TBC1D5: variants seen among roughly 807,000 people sequenced by gnomAD.
The protein encoded by TBC1D5 is TBC1 domain family, member 5.
A neutral mutation model predicts 100.3 loss-of-function variants in TBC1D5; 75 were observed. The ratio of observed to expected loss-of-function variants is 0.75; its 90% CI spans 0.62 to 0.91. The LOEUF is 0.91. Among genes scored for constraint, TBC1D5 ranks in the 40% least tolerant of loss-of-function variants. TBC1D5 has a pLI of 0.00. For synonymous variants in TBC1D5, 323 were observed against 325.6 expected (o/e 0.99, Z 0.09); for missense variants, 910 against 942.4 (o/e 0.97, Z 0.45).
At chr3:17,429,250 A>G (rs949502672) in intron 3 of TBC1D5, among the ~76,000 whole-genome samples, 1 of 151,954 alleles carries the variant, frequency 6.6e-6, no homozygotes, top group African/African-American at 2.4e-5. Context: ...GAATAAAAGT[A>G]AATGTACTAA....
In TBC1D5 at chr3:17,233,762, A is replaced by G. The variant is rs2075630067; in HGVS notation, c.1588+4401T>C. On this transcript the variant is annotated intron_variant, in intron 17 of 21. Coordinates refer to ENST00000253692, the Ensembl canonical transcript of TBC1D5. ...TGTAACTACATCGCCTGGATTTCAT[A>G]AGAAAAAATAATTAGATTTCATAAA... 4 of 1,519,980 alleles carry G rather than the reference A, an allele frequency of 2.6e-6. No homozygotes were observed. The highest frequency in any genetic ancestry group is 1.7e-4 in the Middle Eastern group (1 of 5,952). The allele number at this position is 1,519,980 out of a possible 1,614,324, so 94.2% of individuals were successfully genotyped here.
intron 2 of TBC1D5, among the ~76,000 whole-genome samples, chr3:17,553,348 C>T (rs1009076229): frequency 6.6e-6 from 1 of 152,280 alleles, no homozygotes; most frequent in East Asian, 1.9e-4. Flanking sequence ...AGTCTGGCAA[C>T]ACACATTAGT....
At chr3:17,542,256 A>G (rs918586834) in intron 2 of TBC1D5, among the ~76,000 whole-genome samples, 10 of 152,202 alleles carry the variant, frequency 6.6e-5, no homozygotes, top group African/African-American at 2.4e-4. Flanking sequence ...GCACCACTGC[A>G]CTCCAGCCTG....
At chr3:17,326,759 C>T (rs1239156410) in intron 13 of TBC1D5, among the ~76,000 whole-genome samples, 2 of 152,164 alleles carry the variant, frequency 1.3e-5, no homozygotes, top group South Asian at 4.1e-4. Context: ...CTGGCATGAG[C>T]CAGGGCAGCC....
chr3:17,301,105 T>G (rs116065081), intron 14 of TBC1D5, among the ~76,000 whole-genome samples: 1 of 151,728 alleles, frequency 6.6e-6, no homozygotes, highest in Non-Finnish European at 1.5e-5. Context: ...ATAAATAAAT[T>G]TATAGTGTTT....
chr3:17,541,504 G>A (rs981368368), intron 2 of TBC1D5, among the ~76,000 whole-genome samples: 11 of 152,014 alleles, frequency 7.2e-5, no homozygotes, highest in Middle Eastern at 3.2e-3. Flanking sequence ...TATTATTAGT[G>A]TATGAAAATG....
chr3:17,449,081 C>T (rs185465709), intron 3 of TBC1D5, among the ~76,000 whole-genome samples: 7 of 152,254 alleles, frequency 4.6e-5, no homozygotes, highest in African/African-American at 7.2e-5. Context: ...TGCAGCCCAC[C>T]GAGGGTGAGC....
At chr3:17,359,176 C>T (rs2091487520) in intron 13 of TBC1D5, among the ~76,000 whole-genome samples, 1 of 152,004 alleles carries the variant, frequency 6.6e-6, no homozygotes, top group South Asian at 2.1e-4. Context: ...ATCTGTATCT[C>T]CAATTAGTGT....
At chr3:17,608,834 T>A (rs1055610483) in intron 2 of TBC1D5, among the ~76,000 whole-genome samples, 4 of 152,174 alleles carry the variant, frequency 2.6e-5, no homozygotes, top group African/African-American at 9.7e-5. Flanking sequence ...CTTTCCTGAA[T>A]CAGCATAAAC....
intron 2 of TBC1D5, among the ~76,000 whole-genome samples, chr3:17,532,806 AAGG>A (rs1358537971): frequency 7.0e-6 from 1 of 142,286 alleles, no homozygotes; most frequent in African/African-American, 2.6e-5. Context: ...TGGACACAGG[AAGG>A]AGAACATCAC....
At chr3:17,551,638 G>C (rs1176818282) in intron 2 of TBC1D5, among the ~76,000 whole-genome samples, 1 of 152,156 alleles carries the variant, frequency 6.6e-6, no homozygotes, top group African/African-American at 2.4e-5. Context: ...CACAGAAGTA[G>C]TTCTGTAATG....
At chr3:17,706,311 A>C in intron 1 of TBC1D5, 1 of 1,492,988 alleles carries the variant, frequency 6.7e-7, no homozygotes, top group Non-Finnish European at 9.1e-7. Flanking sequence ...TTTCTGTTCA[A>C]ACCAGAACTG....
chr3:17,682,866 T>C (rs181843024), intron 1 of TBC1D5, among the ~76,000 whole-genome samples: 37 of 151,644 alleles, frequency 2.4e-4, no homozygotes, highest in Middle Eastern at 6.8e-3. Context: ...ACCGGTCACA[T>C]AGATGCAGTC....
intron 2 of TBC1D5, among the ~76,000 whole-genome samples, chr3:17,516,845 C>A (rs752646619): frequency 2.0e-5 from 3 of 152,122 alleles, no homozygotes; most frequent in Admixed American, 1.3e-4. Context: ...TAATGCCTAA[C>A]GGAGTCCACT....
In TBC1D5 at chr3:17,393,479, A is replaced by G. The variant is rs570328927; in HGVS notation, c.510-9464T>C. On this transcript the variant is annotated intron_variant, in intron 8 of 21. Transcript: ENST00000253692. ...AGAGAATTAGAAAAAAATACTTTAA[A>G]TTTCATATGGAACCAAGAAAGAGCC... Among the ~76,000 whole-genome samples, 350 of 152,296 alleles carry G rather than the reference A, an allele frequency of 2.3e-3. 1 individual carries two copies. Among genetic ancestry groups the G allele is most frequent in the Non-Finnish European group, 4.0e-3 (275 of 68,028 alleles).
chr3:17,676,157 AACTC>A lies in TBC1D5; in HGVS notation c.-100-52248_-100-52245del, dbSNP rs534017553. The stretch of plus-strand genomic sequence containing the variant: ...AAATAAATCTCCATTAAGTTTTTAA[AACTC>A]AATCAAACATTAATTGAAATAGGAT... On this transcript the variant is annotated intron_variant, in intron 1 of 21. Transcript: ENST00000253692. 3.5e-3 allele frequency among the ~76,000 whole-genome samples: 531 copies of A among 152,288 alleles called. 4 individuals are homozygous for A. The highest frequency in any genetic ancestry group is 0.012 in the African/African-American group (503 of 41,578).
intron 1 of TBC1D5, among the ~76,000 whole-genome samples, chr3:17,682,571 A>C (rs2069641921): frequency 6.6e-6 from 1 of 151,480 alleles, no homozygotes; most frequent in Non-Finnish European, 1.5e-5. Flanking sequence ...CCTGTTAAAC[A>C]TACACTTTAC....
In TBC1D5 at chr3:17,534,905, T is replaced by C. The variant is rs1382291763; in HGVS notation, c.-35-26300A>G. On this transcript the variant is annotated intron_variant, in intron 2 of 21. Transcript: ENST00000253692. ...GTGTAAAGACCCAGGGTGGTTGTTT[T>C]AATGACTTTTCTTTAATCAAGTAAA... 3.9e-5 allele frequency among the ~76,000 whole-genome samples: 6 copies of C among 152,294 alleles called. No homozygotes were observed. In the South Asian group the frequency reaches 8.3e-4, roughly 21 times the overall value.
chr3:17,504,950 C>T (rs1576404823), intron 3 of TBC1D5, among the ~76,000 whole-genome samples: 1 of 152,222 alleles, frequency 6.6e-6, no homozygotes, highest in African/African-American at 2.4e-5. Context: ...ACATACCTTC[C>T]TAATTCTAAA....
Sources: gnomAD v4.1 joint callset for allele counts (sites outside exome capture counted in the v4.1 genomes callset) on GRCh38, gnomAD v4.1.1 for gene constraint, MANE v1.5 for transcripts, NCBI Gene and HGNC (gene_info 2026-07-23, HGNC 2026-07-21) for gene names.